Variants in SERINC5 observed in about 807,000 individuals in gnomAD.
The protein encoded by SERINC5 is serine incorporator 5.
A neutral mutation model predicts 63.1 loss-of-function variants in SERINC5; 41 were observed. That is an observed-to-expected ratio of 0.65 (90% CI 0.51 to 0.84). The LOEUF (loss-of-function observed/expected upper bound fraction) is 0.84, where lower values mean the gene tolerates loss of function less well. Ranked by LOEUF, SERINC5 falls within the 40% of genes least tolerant of loss-of-function variation. The pLI, the probability that SERINC5 is intolerant of heterozygous loss-of-function variation, is 0.00. For synonymous variants in SERINC5, 222 were observed against 215.2 expected, an observed-to-expected ratio of 1.03 and a Z score of -0.28; for missense variants, 523 against 573.0, an observed-to-expected ratio of 0.91 and a Z score of 0.89.
intron 1 of SERINC5, among the ~76,000 whole-genome samples, chr5:80,248,623 C>A (rs1364913409): frequency 6.6e-6 from 1 of 152,186 alleles, no homozygotes; most frequent in Non-Finnish European, 1.5e-5. Flanking sequence ...CAAAACACCA[C>A]CTTGACAGAA....
At chr5:80,189,086 T>C (rs1749016756) in intron 2 of SERINC5, among the ~76,000 whole-genome samples, 1 of 152,184 alleles carries the variant, frequency 6.6e-6, no homozygotes, top group Non-Finnish European at 1.5e-5. Context: ...TCTGTTCACA[T>C]GTAAAGTGTT....
intron 1 of SERINC5, among the ~76,000 whole-genome samples, chr5:80,208,708 G>A (rs1050964955): frequency 6.6e-6 from 1 of 152,192 alleles, no homozygotes; most frequent in Non-Finnish European, 1.5e-5. Context: ...GGCAATGCTT[G>A]CAATCCTTCC....
intron 11 of SERINC5, among the ~76,000 whole-genome samples, chr5:80,145,712 TA>T (rs903719380): frequency 1.3e-5 from 2 of 152,170 alleles, no homozygotes; most frequent in African/African-American, 4.8e-5. Flanking sequence ...TTTCCAGGGT[TA>T]AAACATACCC....
At position 80,139,520 on chromosome 5, in the gene SERINC5, A is replaced by T; in HGVS notation, c.*4143T>A. 2 of 985,228 alleles carry T rather than the reference A, an allele frequency of 2.0e-6. No homozygotes were observed. The highest frequency in any genetic ancestry group is 2.4e-6 in the Non-Finnish European group (2 of 829,840). 61.0% of individuals were successfully genotyped at this position (985,228 alleles called of 1,614,324 possible). On this transcript the variant is annotated 3_prime_UTR_variant, in exon 12 of 12. Coordinates refer to ENST00000507668, the MANE Select transcript of SERINC5 (RefSeq NM_001174072.3). ...AAGGATTTTGCTTAAGGAAAAAAAAAGCTCTTTGGTAAAGGCCAAATATTT... is the reference window on the plus strand; with the variant it reads ...AAGGATTTTGCTTAAGGAAAAAAAATGCTCTTTGGTAAAGGCCAAATATTT...
At position 80,140,490 on chromosome 5, in the gene SERINC5, A is replaced by G. The variant is rs1485565024; in HGVS notation, c.*3173T>C. ...TCCACCCTCCCCACAACCCACCCCC[A>G]CTCTATCTCCCCTTCAAAGAGGCTC... is the stretch of plus-strand genomic sequence containing the variant. On this transcript the variant is annotated 3_prime_UTR_variant, in exon 12 of 12. Coordinates refer to ENST00000507668, the MANE Select transcript of SERINC5 (RefSeq NM_001174072.3). The G allele has an allele frequency of 1.3e-5, 9 of 708,992 alleles. No individual in the cohort carries two copies. The highest frequency in any genetic ancestry group is 1.6e-4 in the East Asian group (1 of 6,234). The allele number at this position is 708,992 out of a possible 1,614,324, so 43.9% of individuals were successfully genotyped here. A position where few individuals can be genotyped will look rare whatever the true frequency, so the allele number is the denominator to read the frequency against.
chr5:80,144,889 C>A (rs1283490376), intron 11 of SERINC5, among the ~76,000 whole-genome samples: 1 of 151,736 alleles, frequency 6.6e-6, no homozygotes, highest in Non-Finnish European at 1.5e-5. Context: ...CTAAGCTTAA[C>A]TTAGTGGTCA....
chr5:80,248,065 T>C lies in SERINC5; in HGVS notation c.27+7831A>G, dbSNP rs144912993. 6.3e-3 allele frequency among the ~76,000 whole-genome samples: 954 copies of C among 152,186 alleles called. 16 individuals are homozygous for C. The highest frequency in any genetic ancestry group is 0.021 in the African/African-American group (881 of 41,504). The stretch of plus-strand genomic sequence containing the variant: ...CAGGGTTTCTCCATGTTGCCCAGGC[T>C]GGTCTCTAACTCCTGGGCTCAAGTG... On this transcript the variant is annotated intron_variant, in intron 1 of 11. Coordinates refer to ENST00000507668, the MANE Select transcript of SERINC5 (RefSeq NM_001174072.3).
At chr5:80,124,418 G>A (rs1744662359) in intron 11 of SERINC5, among the ~76,000 whole-genome samples, 1 of 152,202 alleles carries the variant, frequency 6.6e-6, no homozygotes, top group Non-Finnish European at 1.5e-5. Flanking sequence ...ACAAGTGATG[G>A]TGGCTGACTA....
chr5:80,199,922 GTA>G (rs968534771), intron 2 of SERINC5, among the ~76,000 whole-genome samples: 2 of 152,158 alleles, frequency 1.3e-5, no homozygotes, highest in African/African-American at 4.8e-5. Flanking sequence ...GTAATTTACT[GTA>G]TTACTTAAAA....
intron 1 of SERINC5, among the ~76,000 whole-genome samples, chr5:80,240,645 G>T (rs1341659638): frequency 1.3e-5 from 2 of 152,068 alleles, no homozygotes; most frequent in Non-Finnish European, 2.9e-5. Context: ...TGTCCAAAAG[G>T]AAAATAAAAT....
At chr5:80,217,702 G>T (rs1190541819) in intron 1 of SERINC5, among the ~76,000 whole-genome samples, 2 of 152,182 alleles carry the variant, frequency 1.3e-5, no homozygotes, top group African/African-American at 4.8e-5. Context: ...GGTTCTAGGA[G>T]TTGGTAGTAT....
chr5:80,240,148 T>C (rs1419724447), intron 1 of SERINC5, among the ~76,000 whole-genome samples: 1 of 152,200 alleles, frequency 6.6e-6, no homozygotes, highest in East Asian at 1.9e-4. Context: ...GGTAGAAAAC[T>C]GCACCAAGCT....
At position 80,155,572 on chromosome 5, in the gene SERINC5, CA is replaced by C. The variant is rs758862000; in HGVS notation, c.986+3263del. ...TGGGTGAAAGAGCAAAACTCCGTCT[CA>C]AAAAAAAAAAGGAAGAAAGAAGGAG... is the stretch of plus-strand genomic sequence containing the variant. On this transcript the variant is annotated intron_variant, in intron 8 of 11. Coordinates refer to ENST00000507668, the MANE Select transcript of SERINC5 (RefSeq NM_001174072.3). 3.2e-3 allele frequency among the ~76,000 whole-genome samples: 379 copies of C among 117,474 alleles called. 10 individuals carry two copies. The highest frequency in any genetic ancestry group is 4.3e-3 in the Non-Finnish European group (253 of 59,044). 77.1% of individuals were successfully genotyped at this position (117,474 alleles called of 152,430 possible). A position where few individuals can be genotyped will look rare whatever the true frequency, so the allele number is the denominator to read the frequency against.
chr5:80,187,214 A>G (rs1233200767), intron 2 of SERINC5, among the ~76,000 whole-genome samples: 1 of 152,170 alleles, frequency 6.6e-6, no homozygotes, highest in Non-Finnish European at 1.5e-5. Flanking sequence ...AATTATTCTT[A>G]CATTTCATTA....
rs1306845807 is a variant in SERINC5, at chr5:80,142,145, G to T, written c.*1518C>A. On this transcript the variant is annotated 3_prime_UTR_variant, in exon 12 of 12. Transcript: ENST00000507668. ...AGCTCGAGAAGATTCTTTCCACCCC[G>T]AATGAAATTCTAACAGGAGTTTCCA... The T allele has an allele frequency of 7.1e-6, 7 of 985,198 alleles. No individual in the cohort carries two copies. The highest frequency in any genetic ancestry group is 8.4e-6 in the Non-Finnish European group (7 of 829,914). The allele number at this position is 985,198 out of a possible 1,614,324, so 61.0% of individuals were successfully genotyped here. A position where few individuals can be genotyped will look rare whatever the true frequency, so the allele number is the denominator to read the frequency against.
intron 2 of SERINC5, among the ~76,000 whole-genome samples, chr5:80,193,094 C>T (rs147640841): frequency 1.3e-5 from 2 of 152,188 alleles, no homozygotes; most frequent in African/African-American, 4.8e-5. Context: ...TTTCAGAGTG[C>T]TCGCCACTTG....
intron 1 of SERINC5, among the ~76,000 whole-genome samples, chr5:80,234,117 T>C (rs570594348): frequency 9.9e-5 from 15 of 152,108 alleles, no homozygotes; most frequent in Non-Finnish European, 2.1e-4. Flanking sequence ...ACCCCAACTT[T>C]TACTTTTAAG....
intron 1 of SERINC5, among the ~76,000 whole-genome samples, chr5:80,225,354 CTCAG>C (rs1387885119): frequency 6.6e-6 from 1 of 152,144 alleles, no homozygotes; most frequent in African/African-American, 2.4e-5. Flanking sequence ...GAATTTCTGC[CTCAG>C]TCAGGTGACT....
chr5:80,157,850 T>C (rs1746638002), intron 8 of SERINC5: 2 of 152,208 alleles, frequency 1.3e-5, no homozygotes, highest in South Asian at 2.1e-4. Context: ...TATTGCTTGA[T>C]GTGTGACCCT....
Sources: gnomAD v4.1 joint callset for allele counts (sites outside exome capture counted in the v4.1 genomes callset) on GRCh38, gnomAD v4.1.1 for gene constraint, MANE v1.5 for transcripts, NCBI Gene and HGNC (gene_info 2026-07-23, HGNC 2026-07-21) for gene names.